The following CCDC91 variants were observed in gnomAD, a reference collection of about 807,000 sequenced individuals.
CCDC91 encodes coiled-coil domain-containing protein 91.
CCDC91 carries 48 observed loss-of-function variants against 63.2 expected under a neutral mutation model. The observed-to-expected ratio is 0.76, with a 90% CI of 0.60 to 0.97. The LOEUF (loss-of-function observed/expected upper bound fraction) is 0.97, where lower values mean the gene tolerates loss of function less well. CCDC91 is among the 50% of genes least tolerant of loss of function. CCDC91 has a pLI of 0.00. For synonymous variants in CCDC91, 167 were observed against 165.8 expected, an observed-to-expected ratio of 1.01 and a Z score of -0.06; for missense variants, 500 against 494.6, an observed-to-expected ratio of 1.01 and a Z score of -0.10.
At chr12:28,233,060 TC>T (rs1450962521) in intron 1 of CCDC91, among the ~76,000 whole-genome samples, 2 of 151,996 alleles carry the variant, frequency 1.3e-5, no homozygotes, top group Non-Finnish European at 2.9e-5. Flanking sequence ...GTCTTTTTTT[TC>T]CCCAACCCTC....
At chr12:28,340,746 T>C (rs1942356497) in intron 6 of CCDC91, among the ~76,000 whole-genome samples, 1 of 152,190 alleles carries the variant, frequency 6.6e-6, no homozygotes, top group African/African-American at 2.4e-5. Flanking sequence ...TTACAGCTCC[T>C]GAGGCTGCAG....
At chr12:28,300,763 G>A (rs1185733054) in intron 3 of CCDC91, among the ~76,000 whole-genome samples, 1 of 151,412 alleles carries the variant, frequency 6.6e-6, no homozygotes, top group Non-Finnish European at 1.5e-5. Flanking sequence ...CTTTACCTTT[G>A]TTTAGGTCTA....
chr12:28,428,801 T>C (rs902385812), intron 8 of CCDC91, among the ~76,000 whole-genome samples: 6 of 152,218 alleles, frequency 3.9e-5, no homozygotes, highest in Admixed American at 3.9e-4. Flanking sequence ...ATGTTACTTA[T>C]CAAATCTGCA....
At chr12:28,538,327 A>C (rs529860496) in intron 12 of CCDC91, among the ~76,000 whole-genome samples, 1 of 137,942 alleles carries the variant, frequency 7.2e-6, no homozygotes, top group Non-Finnish European at 1.5e-5. Context: ...TCATTGTTCA[A>C]TTCCCACCTA....
intron 6 of CCDC91, among the ~76,000 whole-genome samples, chr12:28,317,580 AG>A (rs1288712037): frequency 1.3e-5 from 2 of 152,010 alleles, no homozygotes; most frequent in East Asian, 3.9e-4. Context: ...TTTTTCAAGT[AG>A]TTTTTTTATT....
chr12:28,272,285 C>G (rs1947823803), intron 3 of CCDC91, among the ~76,000 whole-genome samples: 1 of 151,874 alleles, frequency 6.6e-6, no homozygotes, highest in Non-Finnish European at 1.5e-5. Context: ...TTAAGAAGCC[C>G]AAAAAGCTCA....
At chr12:28,316,849 C>T (rs1939944025) in intron 6 of CCDC91, among the ~76,000 whole-genome samples, 1 of 151,824 alleles carries the variant, frequency 6.6e-6, no homozygotes, top group South Asian at 2.1e-4. Flanking sequence ...TCTCTTTCTT[C>T]TCTCTCTATT....
At chr12:28,335,420 C>T (rs1478338) in intron 6 of CCDC91, among the ~76,000 whole-genome samples, 128,936 of 141,252 alleles carry the variant, frequency 0.91, 59,946 homozygotes, top group East Asian at 1. Flanking sequence ...TATAAAAATA[C>T]ATATATATAT....
intron 12 of CCDC91, among the ~76,000 whole-genome samples, chr12:28,522,965 A>G (rs527906682): frequency 2.0e-5 from 3 of 152,228 alleles, no homozygotes; most frequent in Admixed American, 1.3e-4. Flanking sequence ...CTGTTCTTTT[A>G]CATTTGCTGA....
chr12:28,549,053 A>C lies in CCDC91; in HGVS notation c.1216-10A>C, dbSNP rs760049626. On this transcript the variant is annotated splice_polypyrimidine_tract_variant and intron_variant, in intron 12 of 12. Coordinates refer to ENST00000536442, the MANE Select transcript of CCDC91 (RefSeq NM_018318.5). ...TTCTCTTTCTCTCTCTCTTTAAAAA[A>C]ATTAAACAGCTCGATCAAGTCATCC... 1.3e-6 allele frequency: 2 copies of C among 1,581,876 alleles called. No homozygotes were observed. The highest frequency in any genetic ancestry group is 2.7e-5 in the African/African-American group (2 of 73,984).
chr12:28,195,573 C>A (rs1408089874), intron 1 of CCDC91, among the ~76,000 whole-genome samples: 2 of 152,156 alleles, frequency 1.3e-5, no homozygotes, highest in Non-Finnish European at 2.9e-5. Context: ...AACCTCAGTC[C>A]TTATTATGGT....
intron 7 of CCDC91, among the ~76,000 whole-genome samples, chr12:28,384,282 A>G (rs1945468468): frequency 6.6e-6 from 1 of 152,184 alleles, no homozygotes. Context: ...GATAGTAAGT[A>G]TATTTACAGT....
intron 12 of CCDC91, among the ~76,000 whole-genome samples, chr12:28,500,462 G>A (rs1025027078): frequency 1.1e-4 from 17 of 149,300 alleles, no homozygotes; most frequent in Non-Finnish European, 2.4e-4. Flanking sequence ...TCTTCTAGGG[G>A]CACCTCATTT....
chr12:28,364,110 G>C (rs188524678), intron 7 of CCDC91, among the ~76,000 whole-genome samples: 2 of 152,236 alleles, frequency 1.3e-5, no homozygotes, highest in East Asian at 3.9e-4. Flanking sequence ...TTTTGGCAGA[G>C]CATGGTGGTT....
chr12:28,251,777 T>C (rs1013733552), intron 1 of CCDC91, among the ~76,000 whole-genome samples: 2 of 152,130 alleles, frequency 1.3e-5, no homozygotes, highest in African/African-American at 4.8e-5. Context: ...CTTGAATACA[T>C]GTCTCAGGAG....
At chr12:28,200,138 T>C (rs1207319551) in intron 1 of CCDC91, among the ~76,000 whole-genome samples, 1 of 152,058 alleles carries the variant, frequency 6.6e-6, no homozygotes, top group East Asian at 1.9e-4. Flanking sequence ...CTTCATTCTT[T>C]TTTCATTCTG....
intron 1 of CCDC91, among the ~76,000 whole-genome samples, chr12:28,228,527 T>C (rs2135777224): frequency 6.6e-6 from 1 of 152,192 alleles, no homozygotes; most frequent in East Asian, 1.9e-4. Flanking sequence ...ACCAGGCTTC[T>C]GCTTGAACCC....
intron 6 of CCDC91, among the ~76,000 whole-genome samples, chr12:28,326,423 A>T (rs1484565071): frequency 1.3e-5 from 2 of 148,562 alleles, no homozygotes; most frequent in Non-Finnish European, 3.0e-5. Context: ...ATTATACTTT[A>T]AGTTTTAGGG....
At position 28,409,455 on chromosome 12, in the gene CCDC91, T is replaced by C. The variant is rs1284819517; in HGVS notation, c.762+18044T>C. ...TAATCTATGTTTTCTTTCTTTTTGC[T>C]GATTAGTTTATTAGAGATTTATCAA... On this transcript the variant is annotated intron_variant, in intron 8 of 12. Transcript: ENST00000536442. Among the ~76,000 whole-genome samples the C allele has an allele frequency of 7.9e-5, 12 of 152,266 alleles. 1 individual carries two copies. In the East Asian group the frequency reaches 2.3e-3, roughly 29 times the overall value.
Sources: allele counts gnomAD v4.1 joint callset (sites outside exome capture counted in the v4.1 genomes callset), GRCh38; gene constraint gnomAD v4.1.1; transcripts MANE v1.5; gene names NCBI Gene and HGNC (gene_info 2026-07-23, HGNC 2026-07-21).